Variants in DGLUCY observed in about 807,000 individuals in gnomAD.
The protein encoded by DGLUCY is D-glutamate cyclase.
In DGLUCY, 58 loss-of-function variants were observed where a neutral mutation model predicts 58.5. That is an observed-to-expected ratio of 0.99 (90% CI 0.80 to 1.23). The LOEUF is 1.23. Ranked by LOEUF, DGLUCY falls within the 50% of genes most tolerant of loss-of-function variation. The pLI, the probability that DGLUCY is intolerant of heterozygous loss-of-function variation, is 0.00. For synonymous variants in DGLUCY, 325 were observed against 314.1 expected, an observed-to-expected ratio of 1.03 and a Z score of -0.37; for missense variants, 779 against 784.7, an observed-to-expected ratio of 0.99 and a Z score of 0.09.
chr14:91,223,307 G>A (rs796549770), intron 13 of DGLUCY, among the ~76,000 whole-genome samples: 5 of 152,314 alleles, frequency 3.3e-5, no homozygotes, highest in African/African-American at 1.2e-4. Context: ...TACTTAGCAG[G>A]TGTTCAATAA....
At chr14:91,192,955 TAA>T (rs1032950565) in intron 9 of DGLUCY, among the ~76,000 whole-genome samples, 3 of 152,190 alleles carry the variant, frequency 2.0e-5, no homozygotes, top group African/African-American at 7.2e-5. Context: ...TAGTGATATA[TAA>T]AGAGTTCAGG....
intron 2 of DGLUCY, 35 bp from the exon 3 acceptor site, chr14:91,160,231 C>T: frequency 7.4e-7 from 1 of 1,348,376 alleles, no homozygotes; most frequent in Middle Eastern, 1.8e-4. Context: ...GGGGGCCACA[C>T]TTTCTAATTT....
intron 1 of DGLUCY, among the ~76,000 whole-genome samples, chr14:91,068,069 A>ACGCG (rs1383755665): frequency 6.1e-4 from 62 of 102,152 alleles, no homozygotes; most frequent in Admixed American, 4.7e-4. Context: ...GCACACACAC[A>ACGCG]CACGCGCACG....
At chr14:91,197,487 T>G (rs180972684) in intron 10 of DGLUCY, among the ~76,000 whole-genome samples, 7 of 152,356 alleles carry the variant, frequency 4.6e-5, no homozygotes, top group Admixed American at 3.3e-4. Context: ...ACCATCCATC[T>G]GCAGACCTCT....
intron 1 of DGLUCY, among the ~76,000 whole-genome samples, chr14:91,078,022 AT>A (rs1406759681): frequency 2.6e-5 from 4 of 151,870 alleles, no homozygotes; most frequent in Non-Finnish European, 5.9e-5. Flanking sequence ...ATACTAAGCT[AT>A]TTTGTTTTTA....
At chr14:91,199,997 C>T (rs1368661307) in intron 11 of DGLUCY, 92 bp downstream of exon 11, 18 of 1,523,208 alleles carry the variant, frequency 1.2e-5, no homozygotes, top group Non-Finnish European at 1.5e-5. Flanking sequence ...CTCTGTCACC[C>T]AGGCTGGAGT....
At chr14:91,166,554 A>G (rs1177197067) in intron 3 of DGLUCY, among the ~76,000 whole-genome samples, 8 of 152,198 alleles carry the variant, frequency 5.3e-5, no homozygotes, top group Non-Finnish European at 5.9e-5. Context: ...AGTCCCAGCT[A>G]CTTGGGAGGC....
intron 8 of DGLUCY, among the ~76,000 whole-genome samples, chr14:91,184,631 GGAAGGGAGGGAGGGAGGGAGGGAGGGAA>G (rs1379100808): frequency 9.1e-6 from 1 of 109,302 alleles, no homozygotes; most frequent in African/African-American, 4.5e-5. Context: ...AAGGAAGGAA[GGAAGGGAGGGAGGGAGGGAGGGAGGGAA>G]GGAGGGAGGG....
chr14:91,075,263 G>C (rs2044001336), intron 1 of DGLUCY, among the ~76,000 whole-genome samples: 1 of 151,926 alleles, frequency 6.6e-6, no homozygotes, highest in African/African-American at 2.4e-5. Context: ...CCTCCTACAG[G>C]GTTGTCACAG....
At chr14:91,209,816 A>T (rs1238366493) in intron 12 of DGLUCY, among the ~76,000 whole-genome samples, 1 of 152,242 alleles carries the variant, frequency 6.6e-6, no homozygotes, top group Non-Finnish European at 1.5e-5. Flanking sequence ...ATGTGTCTTT[A>T]TATTTAAACA....
rs75922813 is a variant in DGLUCY at position 91,212,413 on chromosome 14, A to T, written c.1565-2992A>T. 9.8e-3 allele frequency among the ~76,000 whole-genome samples: 1,491 copies of T among 152,292 alleles called. 8 individuals carry two copies. Among genetic ancestry groups the T allele is most frequent in the Non-Finnish European group, 0.012 (819 of 68,026 alleles). On this transcript the variant is annotated intron_variant, in intron 12 of 13. Coordinates refer to ENST00000256324, the MANE Select transcript of DGLUCY (RefSeq NM_001102368.3). ...TCTGTTTCCCAGTTTTCAAATGGAG[A>T]TAATAATAGTACTTACACCTCACAA...
At chr14:91,141,439 T>C (rs1481437322) in intron 1 of DGLUCY, among the ~76,000 whole-genome samples, 1 of 151,480 alleles carries the variant, frequency 6.6e-6, no homozygotes, top group African/African-American at 2.4e-5. Flanking sequence ...TGCCAAACAC[T>C]GCTAAACAAA....
chr14:91,151,745 C>T (rs1377633617), intron 1 of DGLUCY, among the ~76,000 whole-genome samples: 1 of 151,516 alleles, frequency 6.6e-6, no homozygotes, highest in Non-Finnish European at 1.5e-5. Flanking sequence ...ACCTCCGCCT[C>T]CTGAGTTCAA....
At chr14:91,152,632 C>T (rs1487435657) in intron 1 of DGLUCY, among the ~76,000 whole-genome samples, 1 of 152,128 alleles carries the variant, frequency 6.6e-6, no homozygotes, top group Non-Finnish European at 1.5e-5. Context: ...TAGGCTACCA[C>T]CAGCAACTCT....
At chr14:91,098,770 A>G (rs2044435819) in intron 1 of DGLUCY, among the ~76,000 whole-genome samples, 1 of 152,198 alleles carries the variant, frequency 6.6e-6, no homozygotes, top group African/African-American at 2.4e-5. Flanking sequence ...CTTGTTGATC[A>G]TTGAATAACC....
Position 91,176,052 on chromosome 14 carries a change from C to G in DGLUCY, c.726C>G (p.Ser242Arg). 4 of 1,613,842 alleles carry G rather than the reference C, an allele frequency of 2.5e-6. No homozygotes were observed. The highest frequency in any genetic ancestry group is 3.4e-6 in the Non-Finnish European group (4 of 1,179,812). The change falls in exon 7 of 14, where the codon AGC (serine) becomes AGG (arginine). Residue 242 changes from serine to arginine, a missense_variant. Transcript: ENST00000256324. The part of the protein sequence containing the change: ...SPLTSLGAVS[S>R]CETPLAFASI... ...TGACCAGTCTCGGAGCTGTCAGCAG[C>G]TGTGGTACGTTGGGGGATAATGGGA... is the stretch of plus-strand genomic sequence containing the variant.
intron 1 of DGLUCY, among the ~76,000 whole-genome samples, chr14:91,120,962 G>A (rs1476681960): frequency 2.0e-5 from 3 of 152,066 alleles, no homozygotes; most frequent in African/African-American, 7.2e-5. Flanking sequence ...GTGCTCCTGG[G>A]GCTCTTAGAT....
chr14:91,174,234 T>C (rs892417520), intron 6 of DGLUCY, among the ~76,000 whole-genome samples: 2 of 151,082 alleles, frequency 1.3e-5, no homozygotes, highest in African/African-American at 5.0e-5. Context: ...CCGCACCCCT[T>C]CCCCCACACC....
intron 1 of DGLUCY, among the ~76,000 whole-genome samples, chr14:91,129,177 A>G (rs961460902): frequency 1.3e-5 from 2 of 152,132 alleles, no homozygotes; most frequent in African/African-American, 2.4e-5. Flanking sequence ...TGTGAAATCT[A>G]TATACATATA....
Sources: allele counts gnomAD v4.1 joint callset (sites outside exome capture counted in the v4.1 genomes callset), GRCh38; gene constraint gnomAD v4.1.1; transcripts MANE v1.5; gene names NCBI Gene and HGNC (gene_info 2026-07-23, HGNC 2026-07-21).